Variants in RBM47 observed in about 807,000 individuals in gnomAD.
RBM47 encodes RNA-binding protein 47.
Under a neutral mutation model 47.1 loss-of-function variants are expected in RBM47, and 21 were observed. That is an observed-to-expected ratio of 0.45 (90% CI 0.32 to 0.64). The LOEUF is 0.64. RBM47 is among the 30% of genes least tolerant of loss of function. The probability of loss-of-function intolerance (pLI) is 0.05; values close to 1 mark genes in which losing one functional copy is unlikely to be tolerated. For synonymous variants in RBM47, 375 were observed against 361.7 expected, an observed-to-expected ratio of 1.04 and a Z score of -0.42; for missense variants, 708 against 870.9, an observed-to-expected ratio of 0.81 and a Z score of 2.35.
chr4:40,611,011 C>G (rs1302190489), intron 1 of RBM47, among the ~76,000 whole-genome samples: 1 of 152,126 alleles, frequency 6.6e-6, no homozygotes, highest in African/African-American at 2.4e-5. Context: ...TGAAAACAGA[C>G]TAATACACTA....
chr4:40,611,743 CA>C, intron 1 of RBM47, among the ~76,000 whole-genome samples: 1 of 151,608 alleles, frequency 6.6e-6, no homozygotes, highest in South Asian at 2.1e-4. Flanking sequence ...AAAACAAAAA[CA>C]AAACAAAACA....
intron 1 of RBM47, among the ~76,000 whole-genome samples, chr4:40,613,961 T>A (rs62301883): frequency 0.2 from 29,734 of 151,868 alleles, 3,433 homozygotes; most frequent in Admixed American, 0.28. Flanking sequence ...GGCCTTTACC[T>A]ACTAGATGCC....
intron 2 of RBM47, among the ~76,000 whole-genome samples, chr4:40,487,884 C>T (rs1721321789): frequency 6.6e-6 from 1 of 152,058 alleles, no homozygotes; most frequent in Non-Finnish European, 1.5e-5. Flanking sequence ...TTACTTTTCC[C>T]CTATGTATAG....
intron 1 of RBM47, among the ~76,000 whole-genome samples, chr4:40,600,569 G>A (rs1229441247): frequency 6.6e-6 from 1 of 151,134 alleles, no homozygotes; most frequent in Admixed American, 6.6e-5. Flanking sequence ...GGGAGGCGGA[G>A]CTTGCAGTGA....
intron 1 of RBM47, among the ~76,000 whole-genome samples, chr4:40,603,805 T>G (rs1011886776): frequency 2.0e-5 from 3 of 152,206 alleles, no homozygotes; most frequent in Admixed American, 1.3e-4. Context: ...TTTCACCATG[T>G]TGCCCAGGCT....
chr4:40,425,713 G>T lies in RBM47; in HGVS notation c.*191C>A. The T allele has an allele frequency of 1.3e-6, 1 of 767,564 alleles. No individual in the cohort carries two copies. The highest frequency in any genetic ancestry group is 2.0e-6 in the Non-Finnish European group (1 of 502,792). The allele number at this position is 767,564 out of a possible 1,614,324, so 47.5% of individuals were successfully genotyped here. Reference sequence around the variant, plus strand: ...GTCTTTTGGAAATGTATGAACGTAGGCATGCTAAGTTGAAAATAGTCTTAA... The same window carrying T: ...GTCTTTTGGAAATGTATGAACGTAGTCATGCTAAGTTGAAAATAGTCTTAA... On this transcript the variant is annotated 3_prime_UTR_variant, in exon 7 of 7. Transcript: ENST00000295971.
At chr4:40,441,050 T>C (rs1713547706) in intron 3 of RBM47, among the ~76,000 whole-genome samples, 1 of 152,162 alleles carries the variant, frequency 6.6e-6, no homozygotes, top group East Asian at 1.9e-4. Context: ...CCAGTTATCA[T>C]GAAATTTTTT....
intron 2 of RBM47, among the ~76,000 whole-genome samples, chr4:40,519,074 G>A (rs566676126): frequency 1.3e-5 from 2 of 151,822 alleles, no homozygotes; most frequent in African/African-American, 4.8e-5. Context: ...GGTGGCATGC[G>A]CCTGTGGTCC....
chr4:40,616,869 CTTTTCT>C (rs985557604), intron 1 of RBM47, among the ~76,000 whole-genome samples: 4 of 119,802 alleles, frequency 3.3e-5, no homozygotes, highest in East Asian at 5.7e-4. Flanking sequence ...CTTATATTTT[CTTTTCT>C]TTTTTTTTTT....
chr4:40,568,657 C>A lies in RBM47; in HGVS notation c.-239-24151G>T, dbSNP rs540512956. ...AGTTGATCCTAAAGAATTTTCCTAA[C>A]CAGGAATATTCTGACTGACGGGCCA... On this transcript the variant is annotated intron_variant, in intron 1 of 6. Transcript: ENST00000295971. Among the ~76,000 whole-genome samples the A allele has an allele frequency of 3.3e-5, 5 of 151,806 alleles. No homozygotes were observed. The East Asian group carries it at 7.7e-4, about 23-fold the overall frequency.
At chr4:40,454,862 A>C (rs1715994121) in intron 3 of RBM47, among the ~76,000 whole-genome samples, 1 of 152,184 alleles carries the variant, frequency 6.6e-6, no homozygotes, top group South Asian at 2.1e-4. Flanking sequence ...ACAGAATTGA[A>C]ATGTAGGTCA....
chr4:40,474,445 G>A (rs917534315), intron 2 of RBM47, among the ~76,000 whole-genome samples: 1 of 152,082 alleles, frequency 6.6e-6, no homozygotes, highest in Non-Finnish European at 1.5e-5. Flanking sequence ...AAGGCATTTG[G>A]AACAAATCTA....
rs181210528 is a variant in RBM47, at chr4:40,500,289, G to A, written c.-154-33590C>T. On this transcript the variant is annotated intron_variant, in intron 2 of 6. Transcript: ENST00000295971. ...GATCGTGCCACTGCACTCCAGCCTG[G>A]GCGACAAGGGCCAGACTTCGTCCCC... 4.0e-5 allele frequency among the ~76,000 whole-genome samples: 6 copies of A among 150,242 alleles called. No homozygotes were observed. The East Asian group carries it at 1.2e-3, about 30-fold the overall frequency.
chr4:40,474,689 A>C (rs866161278), intron 2 of RBM47, among the ~76,000 whole-genome samples: 9 of 152,206 alleles, frequency 5.9e-5, no homozygotes, highest in African/African-American at 1.9e-4. Flanking sequence ...CATATTACCT[A>C]ATCTCTGTTA....
chr4:40,620,052 C>G (rs1292044585), intron 1 of RBM47, among the ~76,000 whole-genome samples: 4 of 151,594 alleles, frequency 2.6e-5, no homozygotes, highest in Non-Finnish European at 4.4e-5. Flanking sequence ...CAAAAATTTG[C>G]CAGGCCTCAT....
intron 1 of RBM47, among the ~76,000 whole-genome samples, chr4:40,625,640 A>G (rs1019307398): frequency 6.6e-6 from 1 of 152,184 alleles, no homozygotes; most frequent in Non-Finnish European, 1.5e-5. Context: ...AATTCATTGA[A>G]GCAAGGCACA....
At chr4:40,523,437 GGTTAGTAGTT>G (rs1726399660) in intron 2 of RBM47, among the ~76,000 whole-genome samples, 1 of 152,038 alleles carries the variant, frequency 6.6e-6, no homozygotes, top group South Asian at 2.1e-4. Flanking sequence ...GATAGCCTGA[GGTTAGTAGTT>G]GGAGACCAAC....
intron 2 of RBM47, among the ~76,000 whole-genome samples, chr4:40,535,109 T>A (rs934324970): frequency 6.6e-6 from 1 of 152,090 alleles, no homozygotes; most frequent in East Asian, 1.9e-4. Flanking sequence ...ATGGAAGAGA[T>A]CAAATGAGGC....
chr4:40,618,327 G>A (rs1276656003), intron 1 of RBM47, among the ~76,000 whole-genome samples: 1 of 152,242 alleles, frequency 6.6e-6, no homozygotes, highest in East Asian at 1.9e-4. Flanking sequence ...CCAGGAGGCT[G>A]AGGCAGGAGG....
Sources: allele counts gnomAD v4.1 joint callset (sites outside exome capture counted in the v4.1 genomes callset), GRCh38; gene constraint gnomAD v4.1.1; transcripts MANE v1.5; gene names NCBI Gene and HGNC (gene_info 2026-07-23, HGNC 2026-07-21).